Variants in MICAL3 observed in about 807,000 individuals in gnomAD.
MICAL3 encodes the protein [F-actin]-monooxygenase MICAL3.
Under a neutral mutation model 207.4 loss-of-function variants are expected in MICAL3, and 62 were observed. The ratio of observed to expected loss-of-function variants is 0.30; its 90% CI spans 0.24 to 0.37. The LOEUF (loss-of-function observed/expected upper bound fraction) is 0.37, where lower values mean the gene tolerates loss of function less well. Ranked by LOEUF, MICAL3 falls within the 10% of genes least tolerant of loss-of-function variation. The pLI is 1.00. For synonymous variants in MICAL3, 1,077 were observed against 1,069.3 expected (o/e 1.01, Z -0.14); for missense variants, 2,368 against 2,635.6 (o/e 0.90, Z 2.22).
chr22:17,897,964 G>A (rs946913627), intron 7 of MICAL3, among the ~76,000 whole-genome samples: 12 of 152,140 alleles, frequency 7.9e-5, no homozygotes, highest in Non-Finnish European at 5.9e-5. Flanking sequence ...GGCCATGATG[G>A]TCCTTTCAGC....
chr22:17,909,655 T>A (rs1438408008), intron 1 of MICAL3, among the ~76,000 whole-genome samples: 3 of 152,244 alleles, frequency 2.0e-5, no homozygotes, highest in Non-Finnish European at 2.9e-5. Context: ...AAGAAAGGTT[T>A]TATTCTAGGT....
In MICAL3 at chr22:17,793,365, T is replaced by C. The variant is rs2061844681; in HGVS notation, c.5651-2064A>G. 6.8e-6 allele frequency among the ~76,000 whole-genome samples: 1 copy of C among 146,382 alleles called. No individual in the cohort carries two copies. The highest frequency in any genetic ancestry group is 6.8e-5 in the Admixed American group (1 of 14,692). On this transcript the variant is annotated intron_variant, in intron 29 of 31. Coordinates refer to ENST00000441493, the MANE Select transcript of MICAL3 (RefSeq NM_015241.3). The surrounding 1 kb of genome is among the most constrained non-coding windows in gnomAD (Gnocchi z 4.1). ...TCAGTCTTTGTAAGGACAGTATTCC[T>C]TGACTCTCCCATCCAAATCGCTGCA...
chr22:17,940,522 G>A (rs943278463), intron 1 of MICAL3, among the ~76,000 whole-genome samples: 1 of 152,146 alleles, frequency 6.6e-6, no homozygotes, highest in African/African-American at 2.4e-5. Flanking sequence ...AAAGATGAAA[G>A]GGAACAGTGA....
At chr22:17,825,340 G>C (rs771399324) in intron 22 of MICAL3, among the ~76,000 whole-genome samples, 3 of 152,168 alleles carry the variant, frequency 2.0e-5, no homozygotes, top group Non-Finnish European at 4.4e-5. Context: ...TGGATCTGGG[G>C]GTGAAATTCA....
rs564765445 is a variant in MICAL3 at position 17,818,608 on chromosome 22, G to A, written c.4053C>T (p.Pro1351=). Residue 1351 remains proline (P), a synonymous_variant, in exon 26 of 32, where the codon CCC becomes CCT. Transcript: ENST00000441493. ...GCCTGAAGGCAGGCGTGGGGAAGCT[G>A]GGCTCGGGCCCCTTGCTGCGGTCCA... ...TPVDRSKGPE[P]SFPTPAFRPV... The A allele has an allele frequency of 5.6e-5, 90 of 1,613,656 alleles. 1 individual carries two copies. In the South Asian group the frequency reaches 8.9e-4, roughly 16 times the overall value.
chr22:17,875,291 C>T lies in MICAL3; in HGVS notation c.2242-3268G>A, dbSNP rs759279240. ...GTGCCACAGACCTCACACACGAGAC[C>T]GACACAGGCAAACAGCAACACATGC... On this transcript the variant is annotated intron_variant, in intron 16 of 31. Coordinates refer to ENST00000441493, the MANE Select transcript of MICAL3 (RefSeq NM_015241.3). 4.2e-5 allele frequency: 19 copies of T among 456,582 alleles called. No individual in the cohort carries two copies. In the East Asian group the frequency reaches 5.4e-4, roughly 13 times the overall value. The allele number at this position is 456,582 out of a possible 1,614,324, so 28.3% of individuals were successfully genotyped here.
chr22:17,801,191 C>G (rs1207553865), intron 29 of MICAL3, among the ~76,000 whole-genome samples: 1 of 97,276 alleles, frequency 1.0e-5, no homozygotes, highest in Non-Finnish European at 1.8e-5. Context: ...CTCGCTCTGT[C>G]GCCCAGGCTG....
chr22:17,890,720 T>C (rs1930326461), intron 12 of MICAL3, among the ~76,000 whole-genome samples: 1 of 152,158 alleles, frequency 6.6e-6, no homozygotes, highest in Non-Finnish European at 1.5e-5. Context: ...AAACAGAAAT[T>C]GGCCCCTTAA....
intron 12 of MICAL3, among the ~76,000 whole-genome samples, chr22:17,890,477 T>A (rs1368766808): frequency 6.6e-6 from 1 of 152,136 alleles, no homozygotes; most frequent in African/African-American, 2.4e-5. Flanking sequence ...ACCCCCTTTC[T>A]TTGGCAGGAG....
chr22:17,802,486 G>A lies in MICAL3; in HGVS notation c.5650+6358C>T, dbSNP rs79900184. ...CACCGGCCCTTCTGCAGCACCAGTG[G>A]TCGTTGAGTGTGGAGGTCTCTGAAC... On this transcript the variant is annotated intron_variant, in intron 29 of 31. Transcript: ENST00000441493. 7.1e-3 allele frequency among the ~76,000 whole-genome samples: 1,088 copies of A among 152,306 alleles called. 15 individuals carry two copies. Among genetic ancestry groups the A allele is most frequent in the African/African-American group, 0.024 (987 of 41,558 alleles).
chr22:17,944,179 T>C (rs1933943711), intron 1 of MICAL3, among the ~76,000 whole-genome samples: 1 of 152,208 alleles, frequency 6.6e-6, no homozygotes, highest in Admixed American at 6.5e-5. Context: ...TTGGTTGACA[T>C]GGACATCAGT....
intron 16 of MICAL3, among the ~76,000 whole-genome samples, chr22:17,877,375 T>TTA (rs1928824146): frequency 9.2e-6 from 1 of 108,740 alleles, no homozygotes; most frequent in Non-Finnish European, 1.7e-5. Flanking sequence ...GTTAGGGAGG[T>TTA]GAGGGAGGTT....
chr22:17,917,295 G>A (rs183107362), intron 1 of MICAL3, among the ~76,000 whole-genome samples: 2 of 152,228 alleles, frequency 1.3e-5, no homozygotes, highest in East Asian at 1.9e-4. Flanking sequence ...CTCTGATGCC[G>A]CTCGCCAGAG....
Position 17,788,125 on chromosome 22 carries a change from CGCAGGAA to C in MICAL3, c.*2600_*2606del, listed in dbSNP as rs1348726907. On this transcript the variant is annotated 3_prime_UTR_variant, in exon 32 of 32. Transcript: ENST00000441493. ...ATTCTCACAGCTTGAGAACGCTTGA[CGCAGGAA>C]GTCACCAGAGTACTCAAGTCAACCG... 6.6e-6 allele frequency: 1 copy of C among 152,264 alleles called. No homozygotes were observed. Among genetic ancestry groups the C allele is most frequent in the Non-Finnish European group, 1.5e-5 (1 of 68,050 alleles). 9.4% of individuals were successfully genotyped at this position (152,264 alleles called of 1,614,324 possible). A position where few individuals can be genotyped will look rare whatever the true frequency, so the allele number is the denominator to read the frequency against.
chr22:17,810,238 A>AT (rs958503395), intron 28 of MICAL3, among the ~76,000 whole-genome samples: 7 of 151,192 alleles, frequency 4.6e-5, no homozygotes, highest in Admixed American at 2.0e-4. Context: ...AATTTTTTGT[A>AT]TTTTTAGTAG....
intron 7 of MICAL3, among the ~76,000 whole-genome samples, chr22:17,897,458 G>C (rs977582152): frequency 1.3e-5 from 2 of 151,690 alleles, no homozygotes; most frequent in African/African-American, 4.8e-5. Context: ...GGGGTTTGGG[G>C]GGTGGATTAT....
intron 29 of MICAL3, among the ~76,000 whole-genome samples, chr22:17,804,875 A>C (rs2061974765): frequency 6.6e-6 from 1 of 152,192 alleles, no homozygotes; most frequent in Non-Finnish European, 1.5e-5. Context: ...CTCAAGGCTG[A>C]GTCAGTGTTT....
chr22:17,854,338 G>A (rs1174242927), intron 19 of MICAL3, among the ~76,000 whole-genome samples: 4 of 152,132 alleles, frequency 2.6e-5, no homozygotes, highest in Non-Finnish European at 5.9e-5. Context: ...CCACAGTGCT[G>A]GGCTGGAGAA....
chr22:17,952,516 A>G (rs1401351917), intron 1 of MICAL3, among the ~76,000 whole-genome samples: 7 of 152,380 alleles, frequency 4.6e-5, no homozygotes, highest in Admixed American at 4.6e-4. Context: ...AAACAGAAAG[A>G]GAGAAGAGGC....
Sources: gnomAD v4.1 joint callset for allele counts (sites outside exome capture counted in the v4.1 genomes callset) on GRCh38, gnomAD v4.1.1 for gene constraint, Gnocchi (gnomAD v3.1) non-coding constraint, MANE v1.5 for transcripts, NCBI Gene and HGNC (gene_info 2026-07-23, HGNC 2026-07-21) for gene names.